The following RAB27A variants were observed in gnomAD, a reference collection of about 807,000 sequenced individuals.
The protein encoded by RAB27A is RAB27A, member RAS oncogene family, also known as ras-related protein Rab-27A.
Under a neutral mutation model 20.8 loss-of-function variants are expected in RAB27A, and 17 were observed. That is an observed-to-expected ratio of 0.82 (90% CI 0.56 to 1.23). RAB27A has a LOEUF of 1.23. RAB27A is among the 50% of genes most tolerant of loss of function. The probability of loss-of-function intolerance (pLI) is 0.00; values close to 1 mark genes in which losing one functional copy is unlikely to be tolerated. For missense variants in RAB27A, 277 were observed against 266.7 expected (o/e 1.04, Z -0.27); for synonymous variants, 85 against 92.8 (o/e 0.92, Z 0.48).
Position 55,230,454 on chromosome 15 carries a change from A to G in RAB27A, c.186T>C (p.Thr62=), listed in dbSNP as rs1895985970. Residue 62 remains threonine, a synonymous_variant, in exon 4 of 7, where the codon ACT becomes ACC. Coordinates refer to ENST00000336787, the MANE Select transcript of RAB27A (RefSeq NM_183235.3). ...GCAGGTGGATTCTCTGGCCTCTGCC[A>G]GTGGCTCCATCCGGCCCACTGGCTC... The part of the protein sequence containing the change: ...VYRASGPDGA[T]GRGQRIHLQL... 6.2e-7 allele frequency: 1 copy of G among 1,613,926 alleles called. No homozygotes were observed. Among genetic ancestry groups the G allele is most frequent in the Non-Finnish European group, 8.5e-7 (1 of 1,179,858 alleles).
At chr15:55,222,562 A>C (rs1404347182) in intron 6 of RAB27A, among the ~76,000 whole-genome samples, 3 of 152,020 alleles carry the variant, frequency 2.0e-5, no homozygotes, top group Non-Finnish European at 2.9e-5. Context: ...TAATCTCCTT[A>C]CCTGGTATTC....
At chr15:55,218,051 T>C (rs1393857707) in intron 6 of RAB27A, among the ~76,000 whole-genome samples, 1 of 152,228 alleles carries the variant, frequency 6.6e-6, no homozygotes, top group Non-Finnish European at 1.5e-5. Context: ...TTATTTATTC[T>C]CACAAAACTA....
intron 2 of RAB27A, among the ~76,000 whole-genome samples, chr15:55,312,179 C>T (rs908609207): frequency 1.3e-5 from 2 of 152,222 alleles, no homozygotes; most frequent in Non-Finnish European, 2.9e-5. Flanking sequence ...GGATCAGGAG[C>T]ACAGCAGACA....
Position 55,295,169 on chromosome 15 carries a change from A to G in RAB27A, c.-112+18870T>C, listed in dbSNP as rs147986207. ...CCACTTCAAACTCACTAGGTTGGAAAGAAAGAAAAAGCAAGAGAAAGAGAA... is the reference window on the plus strand; with the variant it reads ...CCACTTCAAACTCACTAGGTTGGAAGGAAAGAAAAAGCAAGAGAAAGAGAA... On this transcript the variant is annotated intron_variant, in intron 2 of 5. Coordinates refer to the RAB27A transcript ENST00000563262. Among the ~76,000 whole-genome samples, 34 of 152,266 alleles carry G rather than the reference A, an allele frequency of 2.2e-4. No homozygotes were observed. The East Asian group carries it at 6.4e-3, about 28-fold the overall frequency.
intron 2 of RAB27A, among the ~76,000 whole-genome samples, chr15:55,261,341 G>A (rs1425465288): frequency 1.3e-5 from 2 of 151,904 alleles, no homozygotes; most frequent in African/African-American, 4.8e-5. Context: ...AGGTTTCAGT[G>A]AGCCATGATC....
chr15:55,210,438 A>G (rs1894970954), intron 6 of RAB27A, among the ~76,000 whole-genome samples: 1 of 129,780 alleles, frequency 7.7e-6, no homozygotes, highest in African/African-American at 3.5e-5. Context: ...GGGGGGGGGA[A>G]TTACTGCCTA....
intron 6 of RAB27A, among the ~76,000 whole-genome samples, chr15:55,215,745 T>C (rs1895262926): frequency 6.7e-6 from 1 of 149,194 alleles, no homozygotes; most frequent in Admixed American, 6.7e-5. Context: ...GTGGATCACC[T>C]GAGGTCAGGA....
chr15:55,302,124 T>A (rs2054974696), intron 2 of RAB27A, among the ~76,000 whole-genome samples: 1 of 145,548 alleles, frequency 6.9e-6, no homozygotes, highest in Non-Finnish European at 1.5e-5. Flanking sequence ...TTGCAGTGAG[T>A]CAAGATCACA....
At chr15:55,300,362 G>A (rs1260327701) in intron 2 of RAB27A, among the ~76,000 whole-genome samples, 1 of 151,954 alleles carries the variant, frequency 6.6e-6, no homozygotes, top group Non-Finnish European at 1.5e-5. Context: ...AAACAGATAC[G>A]GTATTCTGAA....
chr15:55,246,403 C>T (rs1327600727), intron 2 of RAB27A, among the ~76,000 whole-genome samples: 1 of 146,188 alleles, frequency 6.8e-6, no homozygotes, highest in Non-Finnish European at 1.5e-5. Flanking sequence ...ATGTCAATAA[C>T]TCAAATGAGA....
intron 1 of RAB27A, among the ~76,000 whole-genome samples, chr15:55,271,359 T>A (rs1432778435): frequency 6.6e-6 from 1 of 152,224 alleles, no homozygotes; most frequent in African/African-American, 2.4e-5. Context: ...TTCTAGGAAC[T>A]TATTAGATTT....
intron 1 of RAB27A, chr15:55,271,002 G>C (rs896379738): frequency 6.6e-6 from 1 of 152,140 alleles, no homozygotes; most frequent in African/African-American, 2.4e-5. Flanking sequence ...TGGCCACCAA[G>C]TCCTAAGGAT....
chr15:55,223,650 T>C (rs1895679500), intron 6 of RAB27A, among the ~76,000 whole-genome samples: 1 of 152,214 alleles, frequency 6.6e-6, no homozygotes, highest in Non-Finnish European at 1.5e-5. Flanking sequence ...CAAAGTTGTC[T>C]CTCTGCAAAT....
At chr15:55,283,616 C>T (rs1461711860) in intron 1 of RAB27A, among the ~76,000 whole-genome samples, 1 of 152,172 alleles carries the variant, frequency 6.6e-6, no homozygotes, top group East Asian at 1.9e-4. Flanking sequence ...CACCTCTTCA[C>T]TCATTCTTGG....
intron 6 of RAB27A, among the ~76,000 whole-genome samples, chr15:55,206,774 TTTC>T (rs1894671969): frequency 1.3e-5 from 2 of 152,092 alleles, no homozygotes; most frequent in South Asian, 4.2e-4. Context: ...TAAGAAAGGA[TTTC>T]TTAATATAGC....
At chr15:55,294,499 G>A (rs1320047868), upstream of RAB27A, among the ~76,000 whole-genome samples, 1 of 146,642 alleles carries the variant, frequency 6.8e-6, no homozygotes, top group Non-Finnish European at 1.5e-5. Context: ...GAGATGGGAG[G>A]ATCGCTTGAG....
intron 2 of RAB27A, among the ~76,000 whole-genome samples, chr15:55,303,500 G>A (rs1371599805): frequency 7.5e-4 from 31 of 41,384 alleles, no homozygotes; most frequent in South Asian, 2.5e-3. Context: ...CTGCCCGGCC[G>A]CCCCTACTGG....
chr15:55,286,490 G>C (rs111290621), intron 1 of RAB27A, among the ~76,000 whole-genome samples: 17 of 152,160 alleles, frequency 1.1e-4, no homozygotes, highest in African/African-American at 3.6e-4. Flanking sequence ...TAGATGGAGT[G>C]GTCTAAGAAG....
At chr15:55,306,236 G>A (rs1384694738) in intron 2 of RAB27A, among the ~76,000 whole-genome samples, 1 of 152,144 alleles carries the variant, frequency 6.6e-6, no homozygotes, top group Non-Finnish European at 1.5e-5. Flanking sequence ...CTACTAAAAC[G>A]GAAGTGGTGT....
Sources: gnomAD v4.1 joint callset for allele counts (sites outside exome capture counted in the v4.1 genomes callset) on GRCh38, gnomAD v4.1.1 for gene constraint, MANE v1.5 for transcripts, NCBI Gene and HGNC (gene_info 2026-07-23, HGNC 2026-07-21) for gene names.